Variants in DACH2 observed in about 807,000 individuals in gnomAD.
DACH2 encodes the protein dachshund family transcription factor 2, also known as dachshund homolog 2.
Under a neutral mutation model 35.8 loss-of-function variants are expected in DACH2, and 17 were observed. The ratio of observed to expected loss-of-function variants is 0.48; its 90% CI spans 0.33 to 0.71. The LOEUF (loss-of-function observed/expected upper bound fraction) is 0.71, where lower values mean the gene tolerates loss of function less well. Ranked by LOEUF, DACH2 falls within the 30% of genes least tolerant of loss-of-function variation. The pLI is 0.02. For missense variants in DACH2, 469 were observed against 472.7 expected (o/e 0.99, Z 0.07); for synonymous variants, 195 against 177.3 (o/e 1.10, Z -0.79).
At chrX:86,606,383 T>C (rs1236722943) in intron 3 of DACH2, among the ~76,000 whole-genome samples, 1 of 108,013 alleles carries the variant, frequency 9.3e-6, no homozygotes, top group Non-Finnish European at 1.9e-5. Context: ...TGGTATGCTG[T>C]GTTTCCATTA....
At chrX:86,329,953 T>G (rs1293190322) in intron 1 of DACH2, among the ~76,000 whole-genome samples, 1 of 111,692 alleles carries the variant, frequency 9.0e-6, no homozygotes, top group African/African-American at 3.3e-5. Flanking sequence ...GAAAGCAGCT[T>G]GGAAGTGATT....
At chrX:86,667,350 GAAGGAAGA>G (rs1297452018) in intron 4 of DACH2, among the ~76,000 whole-genome samples, 10 of 80,114 alleles carry the variant, frequency 1.2e-4, no homozygotes, top group African/African-American at 4.8e-4. Flanking sequence ...AGGAAGGAAG[GAAGGAAGA>G]GGAAGGGAAG....
chrX:86,282,662 A>G (rs1037026345), intron 1 of DACH2, among the ~76,000 whole-genome samples: 1 of 110,830 alleles, frequency 9.0e-6, no homozygotes, highest in Non-Finnish European at 1.9e-5. Flanking sequence ...TTTTCAGTCT[A>G]TTCATATGAC....
intron 3 of DACH2, among the ~76,000 whole-genome samples, chrX:86,641,440 G>A (rs756822882): frequency 2.9e-4 from 32 of 111,970 alleles, no homozygotes; most frequent in Non-Finnish European, 5.5e-4. Flanking sequence ...GAATCTCCAG[G>A]AAATATGGGA....
At chrX:86,484,705 G>T (rs2037992816) in intron 2 of DACH2, among the ~76,000 whole-genome samples, 1 of 111,533 alleles carries the variant, frequency 9.0e-6, no homozygotes, top group Non-Finnish European at 1.9e-5. Context: ...AAGTAGAAAG[G>T]CATTTGTCTT....
At chrX:86,301,754 A>T (rs1169466181) in intron 1 of DACH2, among the ~76,000 whole-genome samples, 1 of 112,186 alleles carries the variant, frequency 8.9e-6, no homozygotes, top group African/African-American at 3.2e-5. Flanking sequence ...TGCGTTTTTG[A>T]TACATGGTTG....
At chrX:86,819,257 G>T (rs1223020901) in intron 11 of DACH2, among the ~76,000 whole-genome samples, 1 of 109,954 alleles carries the variant, frequency 9.1e-6, no homozygotes, top group Non-Finnish European at 1.9e-5. Flanking sequence ...CTACTCCAAT[G>T]GTTATGTCCA....
At chrX:86,430,101 G>C (rs1255222887) in intron 2 of DACH2, among the ~76,000 whole-genome samples, 1 of 112,045 alleles carries the variant, frequency 8.9e-6, no homozygotes, top group Admixed American at 9.5e-5. Context: ...GTTTGAACAA[G>C]TTTAGGCAAA....
chrX:86,268,013 G>T (rs1261452966), intron 1 of DACH2, among the ~76,000 whole-genome samples: 1 of 111,960 alleles, frequency 8.9e-6, no homozygotes, highest in African/African-American at 3.2e-5. Flanking sequence ...ATGTCTATGT[G>T]TTTGTAATTG....
chrX:86,768,568 T>A (rs1239286429), intron 7 of DACH2, among the ~76,000 whole-genome samples: 2 of 111,870 alleles, frequency 1.8e-5, no homozygotes, highest in African/African-American at 6.5e-5. Context: ...ATCATTGTAA[T>A]GGTAAAGAGA....
At chrX:86,583,281 A>G (rs2039525207) in intron 3 of DACH2, among the ~76,000 whole-genome samples, 1 of 111,008 alleles carries the variant, frequency 9.0e-6, no homozygotes, top group Admixed American at 9.6e-5. Flanking sequence ...AACTGGAAGC[A>G]TTTCGTTTGA....
At chrX:86,772,400 C>T (rs1044533497) in intron 7 of DACH2, among the ~76,000 whole-genome samples, 4 of 111,131 alleles carry the variant, frequency 3.6e-5, no homozygotes, top group Non-Finnish European at 3.8e-5. Flanking sequence ...TTTTTTATTG[C>T]TCCCAATTTT....
chrX:86,544,674 A>C (rs1411187101), intron 3 of DACH2, among the ~76,000 whole-genome samples: 10 of 111,615 alleles, frequency 9.0e-5, no homozygotes, highest in Non-Finnish European at 1.5e-4. Flanking sequence ...AACCCTTACC[A>C]GCCACTACTA....
intron 7 of DACH2, among the ~76,000 whole-genome samples, chrX:86,747,279 A>G (rs1463918881): frequency 8.9e-6 from 1 of 111,930 alleles, no homozygotes; most frequent in Non-Finnish European, 1.9e-5. Context: ...GAGTATTGCC[A>G]TATCAGCAGT....
At chrX:86,696,441 G>T (rs1180119230) in intron 5 of DACH2, among the ~76,000 whole-genome samples, 3 of 112,085 alleles carry the variant, frequency 2.7e-5, no homozygotes, top group Non-Finnish European at 5.6e-5. Context: ...AGTTAAAAAA[G>T]GACTGATTAA....
At chrX:86,571,937 T>G (rs1413425797) in intron 3 of DACH2, among the ~76,000 whole-genome samples, 6 of 111,023 alleles carry the variant, frequency 5.4e-5, no homozygotes, top group Non-Finnish European at 1.1e-4. Flanking sequence ...AAGGAATGCT[T>G]TATGATTTTT....
At chrX:86,412,325 C>T (rs746579462) in intron 2 of DACH2, among the ~76,000 whole-genome samples, 16 of 111,406 alleles carry the variant, frequency 1.4e-4, no homozygotes, top group African/African-American at 4.9e-4. Flanking sequence ...TCTACTTCCA[C>T]CCCTTGATTC....
chrX:86,308,131 G>A (rs1041429699), intron 1 of DACH2, among the ~76,000 whole-genome samples: 3 of 112,082 alleles, frequency 2.7e-5, no homozygotes, highest in Non-Finnish European at 5.6e-5. Context: ...CCTGCTCATC[G>A]CACCTGGGAG....
At chrX:86,389,770 G>T (rs1196953649) in intron 2 of DACH2, among the ~76,000 whole-genome samples, 1 of 112,062 alleles carries the variant, frequency 8.9e-6, no homozygotes, top group African/African-American at 3.2e-5. Context: ...ATGTAAAAGA[G>T]GTTGGGATGC....
Sources: allele counts gnomAD v4.1 joint callset (sites outside exome capture counted in the v4.1 genomes callset), GRCh38; gene constraint gnomAD v4.1.1; transcripts MANE v1.5; gene names NCBI Gene and HGNC (gene_info 2026-07-23, HGNC 2026-07-21).